Variants in SEC13 observed in about 807,000 individuals in gnomAD.
The protein encoded by SEC13 is SEC13 homolog, nuclear pore and COPII component, also known as protein SEC13 homolog.
A neutral mutation model predicts 49.2 loss-of-function variants in SEC13; 25 were observed. The observed-to-expected ratio is 0.51, with a 90% CI of 0.37 to 0.71. SEC13 has a LOEUF of 0.71. Among genes scored for constraint, SEC13 ranks in the 30% least tolerant of loss-of-function variants. The pLI, the probability that SEC13 is intolerant of heterozygous loss-of-function variation, is 0.00. For missense variants in SEC13, 383 were observed against 417.6 expected (o/e 0.92, Z 0.72); for synonymous variants, 148 against 163.9 (o/e 0.90, Z 0.74).
chr3:10,308,893 A>G (rs1351126660), intron 5 of SEC13, among the ~76,000 whole-genome samples: 2 of 146,904 alleles, frequency 1.4e-5, no homozygotes, highest in Admixed American at 1.4e-4. Context: ...GATCTCCCAA[A>G]GTGCTAGGAT....
intron 1 of SEC13, 23 bp from the exon 2 acceptor site, chr3:10,318,117 TA>T: frequency 6.4e-7 from 1 of 1,553,938 alleles, no homozygotes; most frequent in Non-Finnish European, 8.9e-7. Flanking sequence ...ATATCACTGG[TA>T]AATTAACTCA....
intron 8 of SEC13, among the ~76,000 whole-genome samples, chr3:10,302,704 G>A (rs533777352): frequency 8.5e-5 from 13 of 152,270 alleles, no homozygotes; most frequent in African/African-American, 2.9e-4. Context: ...CAGAAAAGCC[G>A]CCTGCAGAGG....
chr3:10,321,087 G>C lies in SEC13; in HGVS notation c.-35C>G. On this transcript the variant is annotated 5_prime_UTR_variant, in exon 1 of 9. Coordinates refer to ENST00000350697, the MANE Select transcript of SEC13 (RefSeq NM_183352.3). The surrounding 1 kb of genome is among the most constrained non-coding windows in gnomAD (Gnocchi z 4.1). ...GGTGGCTGCTCCAGGTCTCGGACGTGGCAGCTCCCGGCGGCGCCTCGGAAC... is the reference window on the plus strand; with the variant it reads ...GGTGGCTGCTCCAGGTCTCGGACGTCGCAGCTCCCGGCGGCGCCTCGGAAC... 6.2e-7 allele frequency: 1 copy of C among 1,612,454 alleles called. No individual in the cohort carries two copies. Among genetic ancestry groups the C allele is most frequent in the Non-Finnish European group, 8.5e-7 (1 of 1,179,560 alleles).
chr3:10,320,511 G>A (rs2059757081), intron 1 of SEC13: 2 of 985,506 alleles, frequency 2.0e-6, no homozygotes, highest in Non-Finnish European at 2.4e-6. Flanking sequence ...CATCCTACCT[G>A]GGGGCCCTAC....
intron 3 of SEC13, chr3:10,315,041 G>T: frequency 3.0e-6 from 1 of 338,064 alleles, no homozygotes; most frequent in Non-Finnish European, 5.5e-6. Flanking sequence ...TGAAGGCTCT[G>T]AGAGAGAAAC....
At chr3:10,306,729 A>C (rs1205095532) in intron 5 of SEC13, among the ~76,000 whole-genome samples, 1 of 152,180 alleles carries the variant, frequency 6.6e-6, no homozygotes, top group African/African-American at 2.4e-5. Flanking sequence ...ATAGTGAATA[A>C]GTCTCGCTAG....
At chr3:10,301,709 C>CCTGGGAGCTTGCTACAA (rs1232068227) in intron 8 of SEC13, among the ~76,000 whole-genome samples, 1 of 152,104 alleles carries the variant, frequency 6.6e-6, no homozygotes, top group Non-Finnish European at 1.5e-5. Flanking sequence ...GCATCGGTCA[C>CCTGGGAGCTTGCTACAA]CTGGGAGCTT....
At chr3:10,307,102 A>C (rs560969097) in intron 5 of SEC13, among the ~76,000 whole-genome samples, 103 of 152,112 alleles carry the variant, frequency 6.8e-4, no homozygotes, top group Non-Finnish European at 2.8e-4. Flanking sequence ...CCCAGGCTAG[A>C]GTGCAGGCTG....
At position 10,321,082 on chromosome 3, in the gene SEC13, G is replaced by C; in HGVS notation, c.-30C>G. 1 of 1,612,702 alleles carries C rather than the reference G, an allele frequency of 6.2e-7. No homozygotes were observed. The highest frequency in any genetic ancestry group is 8.5e-7 in the Non-Finnish European group (1 of 1,179,608). Reference sequence around the variant, plus strand: ...GCGGCGGTGGCTGCTCCAGGTCTCGGACGTGGCAGCTCCCGGCGGCGCCTC... The same window carrying C: ...GCGGCGGTGGCTGCTCCAGGTCTCGCACGTGGCAGCTCCCGGCGGCGCCTC... On this transcript the variant is annotated 5_prime_UTR_variant, in exon 1 of 9. Coordinates refer to ENST00000350697, the MANE Select transcript of SEC13 (RefSeq NM_183352.3). This position sits in a 1 kb window ranked among gnomAD's most constrained non-coding sequence, Gnocchi z 4.1.
At chr3:10,319,335 A>G in intron 1 of SEC13, 2 of 1,543,856 alleles carry the variant, frequency 1.3e-6, no homozygotes, top group Non-Finnish European at 1.7e-6. Flanking sequence ...GCAAGTAAGG[A>G]CAATAAGGAG....
rs1700486411 is a variant in SEC13 at position 10,301,248 on chromosome 3, C to CCCACCTGTCTTGTCACTGCTCGTTCT, written c.956_*12dup. On this transcript the variant is annotated 3_prime_UTR_variant, in exon 9 of 9. Coordinates refer to ENST00000350697, the MANE Select transcript of SEC13 (RefSeq NM_183352.3). ...GGAGCTGGCGGGTGGGGAGCCAGGC[C>CCCACCTGTCTTGTCACTGCTCGTTCT]CCACCTGTCTTGTCACTGCTCGTTC... 6.2e-7 allele frequency: 1 copy of CCCACCTGTCTTGTCACTGCTCGTTCT among 1,614,022 alleles called. No homozygotes were observed. Among genetic ancestry groups the CCCACCTGTCTTGTCACTGCTCGTTCT allele is most frequent in the African/African-American group, 1.3e-5 (1 of 74,912 alleles).
At chr3:10,312,825 G>A in intron 3 of SEC13, 95 bp from the exon 4 acceptor site, 1 of 1,262,360 alleles carries the variant, frequency 7.9e-7, no homozygotes, top group Non-Finnish European at 1.1e-6. Flanking sequence ...ATATATCAGG[G>A]CAGAATTGCT....
In SEC13 at chr3:10,302,882, G is replaced by A. The variant is rs540827064; in HGVS notation, c.855+1144C>T. ...TACAAAGGAAGGAATTCTGACACAT[G>A]CTACGTACAGCATGGAGGAACCTTA... On this transcript the variant is annotated intron_variant, in intron 8 of 8. Transcript: ENST00000350697. Among the ~76,000 whole-genome samples, 3 of 152,324 alleles carry A rather than the reference G, an allele frequency of 2.0e-5. No homozygotes were observed. The South Asian group carries it at 6.2e-4, about 32-fold the overall frequency.
intron 5 of SEC13, among the ~76,000 whole-genome samples, chr3:10,306,140 C>A (rs924005142): frequency 6.6e-6 from 1 of 152,162 alleles, no homozygotes; most frequent in Non-Finnish European, 1.5e-5. Context: ...CATTTTATCA[C>A]CCAAATGTGC....
At chr3:10,304,926 G>A in intron 7 of SEC13, 107 bp downstream of exon 7, 1 of 1,547,946 alleles carries the variant, frequency 6.5e-7, no homozygotes, top group Non-Finnish European at 8.8e-7. Context: ...AAAGGTGCCT[G>A]TTGCTCTCCC....
intron 8 of SEC13, among the ~76,000 whole-genome samples, chr3:10,303,304 T>C (rs1419174649): frequency 1.3e-5 from 2 of 152,216 alleles, no homozygotes; most frequent in Non-Finnish European, 2.9e-5. Flanking sequence ...GCACAGCCAC[T>C]CCACGTGGAA....
intron 5 of SEC13, among the ~76,000 whole-genome samples, chr3:10,307,060 T>G (rs1031309130): frequency 6.6e-6 from 1 of 151,972 alleles, no homozygotes; most frequent in African/African-American, 2.4e-5. Flanking sequence ...ACAATTTTTT[T>G]TTTTAAAAAT....
Position 10,321,105 on chromosome 3 carries a change from C to T in SEC13, c.-53G>A. ...CGGACGTGGCAGCTCCCGGCGGCGC[C>T]TCGGAACAGCTCACTTCCGGCGCCG... On this transcript the variant is annotated 5_prime_UTR_variant, in exon 1 of 9. Coordinates refer to ENST00000350697, the MANE Select transcript of SEC13 (RefSeq NM_183352.3). This position sits in a 1 kb window ranked among gnomAD's most constrained non-coding sequence, Gnocchi z 4.1. The T allele has an allele frequency of 1.9e-6, 3 of 1,611,126 alleles. No individual in the cohort carries two copies. Among genetic ancestry groups the T allele is most frequent in the Non-Finnish European group, 2.5e-6 (3 of 1,179,142 alleles).
Position 10,301,211 on chromosome 3 carries a change from A to G in SEC13, c.*50T>C. On this transcript the variant is annotated 3_prime_UTR_variant, in exon 9 of 9. Coordinates refer to ENST00000350697, the MANE Select transcript of SEC13 (RefSeq NM_183352.3). Reference sequence around the variant, plus strand: ...AGTTGTCTGGTTAGTTGGCCCAGGAAGGGGCAGTCCTGGAGCTGGCGGGTG... The same window carrying G: ...AGTTGTCTGGTTAGTTGGCCCAGGAGGGGGCAGTCCTGGAGCTGGCGGGTG... 1.2e-6 allele frequency: 2 copies of G among 1,614,074 alleles called. No homozygotes were observed. Among genetic ancestry groups the G allele is most frequent in the Non-Finnish European group, 1.7e-6 (2 of 1,179,960 alleles).
Sources: gnomAD v4.1 joint callset for allele counts (sites outside exome capture counted in the v4.1 genomes callset) on GRCh38, gnomAD v4.1.1 for gene constraint, Gnocchi (gnomAD v3.1) non-coding constraint, MANE v1.5 for transcripts, NCBI Gene and HGNC (gene_info 2026-07-23, HGNC 2026-07-21) for gene names.